Variants in BAIAP2L1 observed in about 807,000 individuals in gnomAD.
BAIAP2L1 encodes the protein BAR/IMD domain containing adaptor protein 2 like 1, also known as BAR/IMD domain-containing adapter protein 2-like 1.
In BAIAP2L1, 35 loss-of-function variants were observed where a neutral mutation model predicts 66.3. The ratio of observed to expected loss-of-function variants is 0.53; its 90% CI spans 0.40 to 0.70. The LOEUF is 0.70. BAIAP2L1 is among the 30% of genes least tolerant of loss of function. The pLI is 0.00. For missense variants in BAIAP2L1, 622 were observed against 656.9 expected, an observed-to-expected ratio of 0.95 and a Z score of 0.58; for synonymous variants, 269 against 248.7, an observed-to-expected ratio of 1.08 and a Z score of -0.77.
At chr7:98,355,813 G>C (rs779206707) in intron 2 of BAIAP2L1, among the ~76,000 whole-genome samples, 15 of 152,164 alleles carry the variant, frequency 9.9e-5, no homozygotes, top group Non-Finnish European at 2.1e-4. Flanking sequence ...CTCCAGGTCT[G>C]CAACATTCTT....
intron 1 of BAIAP2L1, among the ~76,000 whole-genome samples, chr7:98,375,547 C>T (rs1351652110): frequency 1.3e-5 from 2 of 151,572 alleles, no homozygotes; most frequent in Non-Finnish European, 2.9e-5. Context: ...GTAAGGAGTT[C>T]GAGACCAGCC....
intron 1 of BAIAP2L1, among the ~76,000 whole-genome samples, chr7:98,390,166 C>T (rs556203875): frequency 1.3e-4 from 19 of 151,814 alleles, no homozygotes; most frequent in African/African-American, 3.6e-4. Context: ...CTGCCCACCT[C>T]GGCCTCCCAA....
Position 98,294,055 on chromosome 7 carries a change from C to G in BAIAP2L1, c.1460+19G>C. On this transcript the variant is annotated intron_variant, in intron 13 of 13. Coordinates refer to ENST00000005260, the MANE Select transcript of BAIAP2L1 (RefSeq NM_018842.5). The stretch of plus-strand genomic sequence containing the variant: ...GAGCAATGTCACACACTGAGGCTCA[C>G]GTAGGAAGCCACGCCTACCTGAGAA... 1 of 1,613,070 alleles carries G rather than the reference C, an allele frequency of 6.2e-7. No homozygotes were observed. Among genetic ancestry groups the G allele is most frequent in the Non-Finnish European group, 8.5e-7 (1 of 1,179,002 alleles).
chr7:98,299,995 C>G lies in BAIAP2L1; in HGVS notation c.1422+4201G>C, dbSNP rs142302306. 3.9e-5 allele frequency among the ~76,000 whole-genome samples: 6 copies of G among 152,304 alleles called. No homozygotes were observed. The East Asian group carries it at 9.6e-4, about 24-fold the overall frequency. ...AGTGGAGGTTGCTGTGAACCAAGATCATGCCACTGCACTCCAGCCTGGGCG... is the reference window on the plus strand; with the variant it reads ...AGTGGAGGTTGCTGTGAACCAAGATGATGCCACTGCACTCCAGCCTGGGCG... On this transcript the variant is annotated intron_variant, in intron 12 of 13. Coordinates refer to ENST00000005260, the MANE Select transcript of BAIAP2L1 (RefSeq NM_018842.5).
chr7:98,299,762 C>T (rs374385052), intron 12 of BAIAP2L1, among the ~76,000 whole-genome samples: 3 of 152,272 alleles, frequency 2.0e-5, no homozygotes, highest in South Asian at 2.1e-4. Context: ...TAAAATTTGC[C>T]GGGCGCAGTG....
chr7:98,296,871 G>A (rs1202318649), intron 12 of BAIAP2L1, among the ~76,000 whole-genome samples: 1 of 152,142 alleles, frequency 6.6e-6, no homozygotes, highest in Non-Finnish European at 1.5e-5. Flanking sequence ...GGGTCTCACA[G>A]CATCCTCCCT....
At chr7:98,300,860 C>T (rs1337703038) in intron 12 of BAIAP2L1, among the ~76,000 whole-genome samples, 1 of 152,196 alleles carries the variant, frequency 6.6e-6, no homozygotes, top group Non-Finnish European at 1.5e-5. Flanking sequence ...GTCACCGCAA[C>T]GCCCAGGCCT....
At chr7:98,371,724 T>G (rs1243031548) in intron 1 of BAIAP2L1, among the ~76,000 whole-genome samples, 1 of 152,214 alleles carries the variant, frequency 6.6e-6, no homozygotes, top group African/African-American at 2.4e-5. Flanking sequence ...AAAGTATACA[T>G]TAATTCAATT....
chr7:98,308,215 CT>C, intron 9 of BAIAP2L1: 1 of 530,668 alleles, frequency 1.9e-6, no homozygotes, highest in South Asian at 1.5e-5. Flanking sequence ...GATGGCTCTT[CT>C]TAGAGAGACA....
rs565941210 is a variant in BAIAP2L1 at position 98,362,067 on chromosome 7, GT to G, written c.127+289del. On this transcript the variant is annotated intron_variant, in intron 2 of 13. Transcript: ENST00000005260. ...GGACCCTAACTTATAAATGTCTCATGTACACATTTTATATTTGTTAGTTTAC... is the reference window on the plus strand; with the variant it reads ...GGACCCTAACTTATAAATGTCTCATGACACATTTTATATTTGTTAGTTTAC... Among the ~76,000 whole-genome samples the G allele has an allele frequency of 3.6e-4, 55 of 152,274 alleles. 1 individual carries two copies. In the South Asian group the frequency reaches 0.011, roughly 31 times the overall value.
At chr7:98,293,952 TC>T (rs1800075600) in intron 13 of BAIAP2L1, 121 bp downstream of exon 13, 2 of 1,166,388 alleles carry the variant, frequency 1.7e-6, no homozygotes, top group African/African-American at 1.5e-5. Context: ...CCCCCATGGC[TC>T]CACAGGCCGA....
In BAIAP2L1 at chr7:98,292,885, G is replaced by T. The variant is rs1012360248; in HGVS notation, c.*636C>A. On this transcript the variant is annotated 3_prime_UTR_variant, in exon 14 of 14. Transcript: ENST00000005260. ...AAAAGGAGCTCTCGGAGGAGATTTC[G>T]TCGAGTGCTACGTGTGGCTGTGATA... 1.5e-4 allele frequency: 210 copies of T among 1,436,714 alleles called. No individual in the cohort carries two copies. The highest frequency in any genetic ancestry group is 6.9e-5 in the Non-Finnish European group (76 of 1,097,090). The allele number at this position is 1,436,714 out of a possible 1,614,324, so 89.0% of individuals were successfully genotyped here. A position where few individuals can be genotyped will look rare whatever the true frequency, so the allele number is the denominator to read the frequency against.
Position 98,393,161 on chromosome 7 carries a change from A to G in BAIAP2L1, c.51+7641T>C, listed in dbSNP as rs1373023847. Reference sequence around the variant, plus strand: ...CATATGTGTACATATATATGTACACATATATGTATATATATACATATATGT... The same window carrying G: ...CATATGTGTACATATATATGTACACGTATATGTATATATATACATATATGT... On this transcript the variant is annotated intron_variant, in intron 1 of 13. Transcript: ENST00000005260. Among the ~76,000 whole-genome samples, 9 of 64,690 alleles carry G rather than the reference A, an allele frequency of 1.4e-4. 2 individuals carry two copies. Among genetic ancestry groups the G allele is most frequent in the African/African-American group, 4.3e-4 (7 of 16,414 alleles). The allele number at this position is 64,690 out of a possible 152,430, so 42.4% of individuals were successfully genotyped here. A position where few individuals can be genotyped will look rare whatever the true frequency, so the allele number is the denominator to read the frequency against.
Position 98,352,956 on chromosome 7 carries a change from A to G in BAIAP2L1, c.214+2086T>C, listed in dbSNP as rs573997529. Among the ~76,000 whole-genome samples the G allele has an allele frequency of 5.3e-5, 8 of 152,168 alleles. No homozygotes were observed. The South Asian group carries it at 6.2e-4, about 12-fold the overall frequency. ...GTTTTCTTTCTGATGCATGACACCA[A>G]TAGGATGTTTCTTTTTATTCATGCT... On this transcript the variant is annotated intron_variant, in intron 3 of 13. Coordinates refer to ENST00000005260, the MANE Select transcript of BAIAP2L1 (RefSeq NM_018842.5).
chr7:98,322,139 G>A (rs1801266619), intron 3 of BAIAP2L1, among the ~76,000 whole-genome samples: 1 of 152,108 alleles, frequency 6.6e-6, no homozygotes, highest in Non-Finnish European at 1.5e-5. Flanking sequence ...CTGAGAGGCT[G>A]CAGGGGAGGA....
chr7:98,312,790 C>T (rs957181619), intron 7 of BAIAP2L1, among the ~76,000 whole-genome samples: 1 of 152,130 alleles, frequency 6.6e-6, no homozygotes, highest in Admixed American at 6.5e-5. Flanking sequence ...TGAGGGACGC[C>T]CCCACCACAG....
intron 1 of BAIAP2L1, among the ~76,000 whole-genome samples, chr7:98,376,757 G>A (rs369464154): frequency 3.9e-4 from 59 of 151,780 alleles, no homozygotes; most frequent in East Asian, 2.1e-3. Context: ...ACTTGAACCC[G>A]GGAGGTGCAG....
At position 98,380,755 on chromosome 7, in the gene BAIAP2L1, TA is replaced by T. The variant is rs1269682331; in HGVS notation, c.52-18324del. 6.3e-4 allele frequency among the ~76,000 whole-genome samples: 72 copies of T among 114,672 alleles called. 1 individual carries two copies. Among genetic ancestry groups the T allele is most frequent in the South Asian group, 1.1e-3 (4 of 3,520 alleles). The allele number at this position is 114,672 out of a possible 152,430, so 75.2% of individuals were successfully genotyped here. On this transcript the variant is annotated intron_variant, in intron 1 of 13. Coordinates refer to ENST00000005260, the MANE Select transcript of BAIAP2L1 (RefSeq NM_018842.5). ...CGGTCCGTTTTTTTTTTTTTTTTAA[TA>T]AAAAAAAAAAGGAACCACCACCACC...
At chr7:98,383,111 TGA>T (rs1212525663) in intron 1 of BAIAP2L1, among the ~76,000 whole-genome samples, 1 of 151,552 alleles carries the variant, frequency 6.6e-6, no homozygotes. Flanking sequence ...TGCAATGAGC[TGA>T]GATGGCGCCA....
Sources: allele counts gnomAD v4.1 joint callset (sites outside exome capture counted in the v4.1 genomes callset), GRCh38; gene constraint gnomAD v4.1.1; transcripts MANE v1.5; gene names NCBI Gene and HGNC (gene_info 2026-07-23, HGNC 2026-07-21).